Variants in UBASH3A observed in about 807,000 individuals in gnomAD.
The protein encoded by UBASH3A is ubiquitin associated and SH3 domain containing A.
In UBASH3A, 63 loss-of-function variants were observed where a neutral mutation model predicts 73.5. The ratio of observed to expected loss-of-function variants is 0.86; its 90% CI spans 0.70 to 1.06. The LOEUF is 1.06. Among genes scored for constraint, UBASH3A ranks in the 50% least tolerant of loss-of-function variants. The probability of loss-of-function intolerance (pLI) is 0.00; values close to 1 mark genes in which losing one functional copy is unlikely to be tolerated. For missense variants in UBASH3A, 860 were observed against 859.0 expected, an observed-to-expected ratio of 1.00 and a Z score of -0.02; for synonymous variants, 363 against 351.1, an observed-to-expected ratio of 1.03 and a Z score of -0.38.
chr21:42,406,049 T>C (rs1771124185), intron 1 of UBASH3A, among the ~76,000 whole-genome samples: 1 of 148,522 alleles, frequency 6.7e-6, no homozygotes, highest in Non-Finnish European at 1.5e-5. Context: ...TCCTCAGCCC[T>C]GAGACCCCGT....
intron 10 of UBASH3A, 105 bp from the exon 11 acceptor site, chr21:42,437,383 G>A (rs149352991): frequency 5.2e-4 from 511 of 979,070 alleles, no homozygotes; most frequent in Non-Finnish European, 7.3e-4. Context: ...GTGGAAACCC[G>A]GGGCCCTTTG....
rs189193902 is a variant in UBASH3A at position 42,437,987 on chromosome 21, G to C, written c.1486+407G>C. Among the ~76,000 whole-genome samples, 557 of 152,346 alleles carry C rather than the reference G, an allele frequency of 3.7e-3. 1 individual carries two copies. The highest frequency in any genetic ancestry group is 0.01 in the Middle Eastern group (3 of 294). ...TGCACTGGGCCAGTGGAGCTGTCCA[G>C]CGTCCTCAAGGGCTGATGTGTGTCA... is the stretch of plus-strand genomic sequence containing the variant. On this transcript the variant is annotated intron_variant, in intron 11 of 14. Coordinates refer to ENST00000319294, the MANE Select transcript of UBASH3A (RefSeq NM_018961.4).
Position 42,432,050 on chromosome 21 carries a change from C to T in UBASH3A, c.1171-53C>T, listed in dbSNP as rs144248998. On this transcript the variant is annotated intron_variant, in intron 8 of 14. Coordinates refer to ENST00000319294, the MANE Select transcript of UBASH3A (RefSeq NM_018961.4). ...GGGAGAGCTGCCATTGGTGCAAGTCCAGTGAGTTGGATGTTAAACTGCATG... is the reference window on the plus strand; with the variant it reads ...GGGAGAGCTGCCATTGGTGCAAGTCTAGTGAGTTGGATGTTAAACTGCATG... 9 of 1,135,310 alleles carry T rather than the reference C, an allele frequency of 7.9e-6. No homozygotes were observed. In the East Asian group the frequency reaches 1.2e-4, roughly 16 times the overall value. The allele number at this position is 1,135,310 out of a possible 1,614,324, so 70.3% of individuals were successfully genotyped here.
chr21:42,434,397 G>A (rs73372276), intron 9 of UBASH3A, among the ~76,000 whole-genome samples: 1 of 152,122 alleles, frequency 6.6e-6, no homozygotes, highest in African/African-American at 2.4e-5. Context: ...CACAACACAG[G>A]CATCTCCAGC....
rs888694936 is a variant in UBASH3A, at chr21:42,403,920, G to C, written c.-26G>C. ...TCTCCTCATTTCTGTGTGCAGGCGA[G>C]CTTCTTGGCCTAAGGGCAGGAAGAG... On this transcript the variant is annotated 5_prime_UTR_variant, in exon 1 of 15. Coordinates refer to ENST00000319294, the MANE Select transcript of UBASH3A (RefSeq NM_018961.4). 3 of 1,418,172 alleles carry C rather than the reference G, an allele frequency of 2.1e-6. No homozygotes were observed. Among genetic ancestry groups the C allele is most frequent in the Non-Finnish European group, 2.8e-6 (3 of 1,059,966 alleles). The allele number at this position is 1,418,172 out of a possible 1,614,324, so 87.8% of individuals were successfully genotyped here.
chr21:42,416,049 C>T (rs1231754457), intron 5 of UBASH3A, among the ~76,000 whole-genome samples: 2 of 152,118 alleles, frequency 1.3e-5, no homozygotes, highest in African/African-American at 4.8e-5. Flanking sequence ...GTTTTGTTGC[C>T]TAAAGAGTTT....
chr21:42,406,904 T>C (rs2052988783), intron 2 of UBASH3A, among the ~76,000 whole-genome samples: 1 of 152,180 alleles, frequency 6.6e-6, no homozygotes, highest in Non-Finnish European at 1.5e-5. Context: ...TTGTGTTTAT[T>C]GATGGAAAGA....
At chr21:42,423,759 G>C (rs746128245) in intron 7 of UBASH3A, among the ~76,000 whole-genome samples, 1 of 152,180 alleles carries the variant, frequency 6.6e-6, no homozygotes, top group Non-Finnish European at 1.5e-5. Flanking sequence ...ACTTTCTCTT[G>C]AGAATTAATC....
intron 3 of UBASH3A, 69 bp downstream of exon 3, chr21:42,409,677 T>C: frequency 2.8e-6 from 4 of 1,419,268 alleles, no homozygotes; most frequent in African/African-American, 1.4e-5. Context: ...AACTAGGCCA[T>C]GATGGGACAA....
At chr21:42,433,687 A>G (rs113246199) in intron 9 of UBASH3A, among the ~76,000 whole-genome samples, 2 of 152,336 alleles carry the variant, frequency 1.3e-5, no homozygotes, top group Non-Finnish European at 2.9e-5. Context: ...GGCATTGAAT[A>G]AACACCTCTA....
At chr21:42,433,407 A>G (rs1306273726) in intron 9 of UBASH3A, among the ~76,000 whole-genome samples, 1 of 152,122 alleles carries the variant, frequency 6.6e-6, no homozygotes, top group Non-Finnish European at 1.5e-5. Context: ...TGGCCCAGGC[A>G]CCCACATCCT....
rs146032001 is a variant in UBASH3A, at chr21:42,426,448, T to C, written c.1047-249T>C. Among the ~76,000 whole-genome samples, 704 of 152,372 alleles carry C rather than the reference T, an allele frequency of 4.6e-3. 6 individuals carry two copies. The highest frequency in any genetic ancestry group is 8.2e-3 in the Admixed American group (126 of 15,308). On this transcript the variant is annotated intron_variant, in intron 7 of 14. Transcript: ENST00000319294. The stretch of plus-strand genomic sequence containing the variant: ...AACATTTGACCCAATACCTGGGTAC[T>C]GTGGCCTAGCCACGTTGACATGTAA...
At chr21:42,423,242 C>T (rs1292813568) in intron 7 of UBASH3A, among the ~76,000 whole-genome samples, 2 of 152,162 alleles carry the variant, frequency 1.3e-5, no homozygotes, top group African/African-American at 2.4e-5. Flanking sequence ...TGCAGACCAG[C>T]GGTTCAGGAG....
rs2053153011 is a variant in UBASH3A at position 42,413,952 on chromosome 21, G to T, written c.667+429G>T. ...TTGTGGACTTGACGTCAGAAGATGTGATTTTTTTCTGTGTCCCTGATGAGT... is the reference window on the plus strand; with the variant it reads ...TTGTGGACTTGACGTCAGAAGATGTTATTTTTTTCTGTGTCCCTGATGAGT... On this transcript the variant is annotated intron_variant, in intron 5 of 14. Transcript: ENST00000319294. The surrounding 1 kb of genome is among the most constrained non-coding windows in gnomAD (Gnocchi z 4.5). Among the ~76,000 whole-genome samples, 1 of 152,198 alleles carries T rather than the reference G, an allele frequency of 6.6e-6. No homozygotes were observed. Among genetic ancestry groups the T allele is most frequent in the Admixed American group, 6.5e-5 (1 of 15,284 alleles).
intron 1 of UBASH3A, 179 bp downstream of exon 1, chr21:42,404,237 A>G (rs2052922631): frequency 5.2e-6 from 2 of 387,884 alleles, no homozygotes; most frequent in South Asian, 2.5e-4. Flanking sequence ...AAATGAGGTG[A>G]TCTTGACCAA....
In UBASH3A at chr21:42,418,486, C is replaced by A. The variant is rs568544007; in HGVS notation, c.923C>A (p.Thr308Lys). The A allele has an allele frequency of 2.5e-6, 4 of 1,614,258 alleles. No individual in the cohort carries two copies. Among genetic ancestry groups the A allele is most frequent in the Non-Finnish European group, 3.4e-6 (4 of 1,180,042 alleles). The change falls in exon 7 of 15, where the codon ACG (threonine) becomes AAG (lysine). Residue 308 changes from threonine (T) to lysine (K), a missense_variant. Thr to Lys is a moderately conservative substitution (Grantham distance 78, BLOSUM62 -1). Coordinates refer to ENST00000319294, the MANE Select transcript of UBASH3A (RefSeq NM_018961.4). ...GGTGACTACATCTTTGTGGACCCCA[C>A]GCAGCAGGACGAAGCCAGCGAGGGC... ...SPGDYIFVDPTQQDEASEGWV... is the reference protein window; with the variant it reads ...SPGDYIFVDPKQQDEASEGWV...
Position 42,416,510 on chromosome 21 carries a change from C to A in UBASH3A, c.736C>A (p.Gln246Lys). The A allele has an allele frequency of 2.5e-6, 4 of 1,611,944 alleles. No homozygotes were observed. Among genetic ancestry groups the A allele is most frequent in the Non-Finnish European group, 3.4e-6 (4 of 1,179,150 alleles). The change falls in exon 6 of 15, where the codon CAG (glutamine) becomes AAG (lysine). Residue 246 changes from glutamine (Q) to lysine (K), a missense_variant. By Grantham distance (53) the Gln-to-Lys change is moderately conservative. Transcript: ENST00000319294. ...TLAHKFYPHH[Q>K]RTLEQLARAI... ...GGCCCACAAGTTCTACCCCCACCACCAGAGGACGCTGGAGCAGCTGGCCAG... is the reference window on the plus strand; with the variant it reads ...GGCCCACAAGTTCTACCCCCACCACAAGAGGACGCTGGAGCAGCTGGCCAG...
rs780252090 is a variant in UBASH3A, at chr21:42,418,593, A to T, written c.1030A>T (p.Thr344Ser). 1 of 1,614,056 alleles carries T rather than the reference A, an allele frequency of 6.2e-7. No homozygotes were observed. The highest frequency in any genetic ancestry group is 1.1e-5 in the South Asian group (1 of 91,068). Residue 344 changes from threonine to serine, a missense_variant, in exon 7 of 15, where the codon ACG becomes TCG. Physicochemically the swap from Thr to Ser is moderately conservative, Grantham distance 58 (BLOSUM62 1). Coordinates refer to ENST00000319294, the MANE Select transcript of UBASH3A (RefSeq NM_018961.4). ...NYTDRASESD[T>S]WVKHRMYTFS... ...CACGGATCGAGCCAGTGAGTCTGAC[A>T]CGTGGGTGAAGCACAGGTGAGTGCT...
intron 1 of UBASH3A, among the ~76,000 whole-genome samples, chr21:42,405,983 T>TGGCGG (rs1414898762): frequency 1.6e-5 from 1 of 60,672 alleles, no homozygotes; most frequent in African/African-American, 7.7e-5. Context: ...ATCTAGGCAG[T>TGGCGG]GGGGGGGGGG....
Sources: allele counts gnomAD v4.1 joint callset (sites outside exome capture counted in the v4.1 genomes callset), GRCh38; gene constraint gnomAD v4.1.1; non-coding constraint Gnocchi (gnomAD v3.1); transcripts MANE v1.5; gene names NCBI Gene and HGNC (gene_info 2026-07-23, HGNC 2026-07-21).